Variants in CCDC88A observed in about 807,000 individuals in gnomAD.
CCDC88A encodes girdin.
In CCDC88A, 54 loss-of-function variants were observed where a neutral mutation model predicts 234.3. The ratio of observed to expected loss-of-function variants is 0.23; its 90% CI spans 0.19 to 0.29. The LOEUF (loss-of-function observed/expected upper bound fraction) is 0.29, where lower values mean the gene tolerates loss of function less well. CCDC88A is among the 10% of genes least tolerant of loss of function. The probability of loss-of-function intolerance (pLI) is 1.00; values close to 1 mark genes in which losing one functional copy is unlikely to be tolerated. For missense variants in CCDC88A, 1,832 were observed against 2,123.4 expected (o/e 0.86, Z 2.70); for synonymous variants, 753 against 737.8 (o/e 1.02, Z -0.33).
chr2:55,319,613 T>C (rs1282700759), intron 18 of CCDC88A, among the ~76,000 whole-genome samples: 2 of 152,204 alleles, frequency 1.3e-5, no homozygotes, highest in African/African-American at 4.8e-5. Flanking sequence ...TAATTAAAAT[T>C]CTATTTCAAC....
chr2:55,366,583 T>C (rs1439573707), intron 5 of CCDC88A, among the ~76,000 whole-genome samples: 4 of 146,786 alleles, frequency 2.7e-5, no homozygotes, highest in Admixed American at 6.9e-5. Context: ...ACACAAGATA[T>C]GATGTGGAAA....
intron 9 of CCDC88A, chr2:55,348,815 T>C (rs1267150669): frequency 1.3e-5 from 2 of 152,166 alleles, no homozygotes; most frequent in African/African-American, 4.8e-5. Flanking sequence ...AAATAAAGAC[T>C]ATGAAGCCCA....
At chr2:55,414,881 C>T (rs375148318) in intron 2 of CCDC88A, among the ~76,000 whole-genome samples, 4 of 151,540 alleles carry the variant, frequency 2.6e-5, no homozygotes, top group East Asian at 1.9e-4. Context: ...CTGGCTAACA[C>T]GGTGAAACCC....
intron 2 of CCDC88A, among the ~76,000 whole-genome samples, chr2:55,395,707 A>C (rs1374518725): frequency 6.6e-6 from 1 of 152,246 alleles, no homozygotes; most frequent in Non-Finnish European, 1.5e-5. Flanking sequence ...AGGTACTTTC[A>C]TTAAGCTGTG....
intron 25 of CCDC88A, among the ~76,000 whole-genome samples, chr2:55,304,118 G>A (rs1019113811): frequency 6.6e-6 from 1 of 151,080 alleles, no homozygotes; most frequent in Non-Finnish European, 1.5e-5. Context: ...AGACCAGCCT[G>A]GGCAACAGAG....
Position 55,317,938 on chromosome 2 carries a change from G to T in CCDC88A, c.3325-97C>A. ...ATGTTAATTAAAGAAAGCTCTAAAT[G>T]AATCACAGCACACATATTTACATTA... On this transcript the variant is annotated intron_variant, in intron 19 of 32. Coordinates refer to ENST00000436346, the MANE Select transcript of CCDC88A (RefSeq NM_001365480.1). This position sits in a 1 kb window ranked among gnomAD's most constrained non-coding sequence, Gnocchi z 4.2. 1.2e-6 allele frequency: 1 copy of T among 854,888 alleles called. No homozygotes were observed. The highest frequency in any genetic ancestry group is 1.8e-6 in the Non-Finnish European group (1 of 555,564). 53.0% of individuals were successfully genotyped at this position (854,888 alleles called of 1,614,324 possible).
Position 55,384,530 on chromosome 2 carries a change from T to TAC in CCDC88A, c.273+4246_273+4247dup, listed in dbSNP as rs1553428218. Among the ~76,000 whole-genome samples, 12 of 73,402 alleles carry TAC rather than the reference T, an allele frequency of 1.6e-4. 1 individual carries two copies. The South Asian group carries it at 1.7e-3, about 10-fold the overall frequency. 48.2% of individuals were successfully genotyped at this position (73,402 alleles called of 152,430 possible). On this transcript the variant is annotated intron_variant, in intron 3 of 32. Coordinates refer to ENST00000436346, the MANE Select transcript of CCDC88A (RefSeq NM_001365480.1). Reference sequence around the variant, plus strand: ...ATATTATATATAAATTATATATATATACATATATACGTATATATGTGTATA... The same window carrying TAC: ...ATATTATATATAAATTATATATATATACACATATATACGTATATATGTGTATA...
At chr2:55,349,695 A>C (rs1669622320) in intron 8 of CCDC88A, 96 bp from the exon 9 acceptor site, 1 of 756,716 alleles carries the variant, frequency 1.3e-6, no homozygotes, top group African/African-American at 1.8e-5. Context: ...CTAAATAACT[A>C]GTTGGACATA....
At chr2:55,294,301 T>A in intron 31 of CCDC88A, 1 of 980,868 alleles carries the variant, frequency 1.0e-6, no homozygotes, top group South Asian at 4.7e-5. Context: ...CTTGTATTTA[T>A]CAGATGATGA....
intron 7 of CCDC88A, among the ~76,000 whole-genome samples, chr2:55,360,264 G>C (rs562646268): frequency 8.6e-5 from 13 of 152,032 alleles, no homozygotes; most frequent in African/African-American, 3.1e-4. Context: ...TTAGACTGAA[G>C]TGAAACAATT....
At chr2:55,357,067 T>C (rs1385610831) in intron 7 of CCDC88A, among the ~76,000 whole-genome samples, 1 of 152,200 alleles carries the variant, frequency 6.6e-6, no homozygotes, top group East Asian at 1.9e-4. Context: ...AGCACTGTTC[T>C]TGAATTATGA....
rs200478710 is a variant in CCDC88A, at chr2:55,362,487, G to T, written c.487-39C>A. 39 of 1,562,700 alleles carry T rather than the reference G, an allele frequency of 2.5e-5. No homozygotes were observed. In the East Asian group the frequency reaches 8.4e-4, roughly 34 times the overall value. On this transcript the variant is annotated intron_variant, in intron 6 of 32. Transcript: ENST00000436346. ...ACCAAAATAAACAACCAAAAAAGTG[G>T]CTAATACTTAAAAATCTATTTCACT...
At chr2:55,349,392 C>G in intron 9 of CCDC88A, 126 bp downstream of exon 9, 1 of 676,990 alleles carries the variant, frequency 1.5e-6, no homozygotes, top group Non-Finnish European at 2.5e-6. Flanking sequence ...GTCATCCAAT[C>G]TCTTGAAGCC....
intron 29 of CCDC88A, chr2:55,296,752 AG>A (rs1680074297): frequency 1.9e-6 from 1 of 538,300 alleles, no homozygotes; most frequent in Non-Finnish European, 3.3e-6. Flanking sequence ...AAGCTCCATA[AG>A]GGCAAAGACT....
chr2:55,383,275 T>C (rs190220936), intron 3 of CCDC88A, among the ~76,000 whole-genome samples: 322 of 152,222 alleles, frequency 2.1e-3, no homozygotes, highest in African/African-American at 7.7e-3. Context: ...CACTTTTGAA[T>C]TTTAACTTAT....
At chr2:55,331,012 A>G (rs1057510539) in intron 16 of CCDC88A, among the ~76,000 whole-genome samples, 2 of 152,234 alleles carry the variant, frequency 1.3e-5, no homozygotes, top group African/African-American at 4.8e-5. Flanking sequence ...GAAGAGCTCA[A>G]TTAACATTGG....
At chr2:55,414,525 T>G (rs1365189374) in intron 2 of CCDC88A, among the ~76,000 whole-genome samples, 1 of 152,220 alleles carries the variant, frequency 6.6e-6, no homozygotes, top group East Asian at 1.9e-4. Context: ...TGAAGTCATG[T>G]TACAAGTTCT....
intron 2 of CCDC88A, among the ~76,000 whole-genome samples, chr2:55,410,963 G>T (rs1413003815): frequency 2.6e-5 from 4 of 151,618 alleles, no homozygotes; most frequent in Non-Finnish European, 4.4e-5. Context: ...CAGGAATAAA[G>T]AGAACATTTA....
At chr2:55,358,441 A>G (rs3099083) in intron 7 of CCDC88A, among the ~76,000 whole-genome samples, 1 of 152,078 alleles carries the variant, frequency 6.6e-6, no homozygotes, top group Non-Finnish European at 1.5e-5. Context: ...GTCCTACTAC[A>G]GATCTTGCTA....
Sources: gnomAD v4.1 joint callset for allele counts (sites outside exome capture counted in the v4.1 genomes callset) on GRCh38, gnomAD v4.1.1 for gene constraint, Gnocchi (gnomAD v3.1) non-coding constraint, MANE v1.5 for transcripts, NCBI Gene and HGNC (gene_info 2026-07-23, HGNC 2026-07-21) for gene names.